The following BRCC3 variants were observed in gnomAD, a reference collection of about 807,000 sequenced individuals.
BRCC3 encodes the protein lys-63-specific deubiquitinase BRCC36.
Under a neutral mutation model 28.0 loss-of-function variants are expected in BRCC3, and 15 were observed. The ratio of observed to expected loss-of-function variants is 0.54; its 90% CI spans 0.36 to 0.82. The LOEUF (loss-of-function observed/expected upper bound fraction) is 0.82, where lower values mean the gene tolerates loss of function less well. Ranked by LOEUF, BRCC3 falls within the 40% of genes least tolerant of loss-of-function variation. The probability of loss-of-function intolerance (pLI) is 0.01; values close to 1 mark genes in which losing one functional copy is unlikely to be tolerated. For missense variants in BRCC3, 109 were observed against 225.9 expected (o/e 0.48, Z 3.32); for synonymous variants, 66 against 80.3 (o/e 0.82, Z 0.95).
intron 7 of BRCC3, among the ~76,000 whole-genome samples, chrX:155,099,853 T>G (rs1442428577): frequency 8.9e-6 from 1 of 111,786 alleles, no homozygotes; most frequent in East Asian, 2.8e-4. Flanking sequence ...TTACCATTGC[T>G]GACATATGTG....
At chrX:155,096,247 G>C (rs951760698) in intron 7 of BRCC3, among the ~76,000 whole-genome samples, 1 of 111,836 alleles carries the variant, frequency 8.9e-6, no homozygotes, top group Non-Finnish European at 1.9e-5. Context: ...GTGTTATCCT[G>C]GGCTGGTGGG....
chrX:155,076,214 G>A (rs1285672546), intron 3 of BRCC3, among the ~76,000 whole-genome samples: 1 of 110,385 alleles, frequency 9.1e-6, no homozygotes, highest in Non-Finnish European at 1.9e-5. Context: ...GACCAGCCTA[G>A]CCAATATGGC....
chrX:155,076,605 C>T (rs2074046199), intron 3 of BRCC3, among the ~76,000 whole-genome samples: 1 of 110,466 alleles, frequency 9.1e-6, no homozygotes, highest in African/African-American at 3.3e-5. Context: ...CATCAGATCT[C>T]CTGAGAACTC....
chrX:155,076,992 G>A (rs1469940347), intron 3 of BRCC3, among the ~76,000 whole-genome samples, 178 bp from the exon 4 acceptor site: 1 of 112,120 alleles, frequency 8.9e-6, no homozygotes, highest in Non-Finnish European at 1.9e-5. Flanking sequence ...TGTCTGAAAT[G>A]TATATATTGA....
chrX:155,089,839 G>A (rs1291585609), intron 6 of BRCC3, among the ~76,000 whole-genome samples: 2 of 112,047 alleles, frequency 1.8e-5, no homozygotes, highest in African/African-American at 3.2e-5. Flanking sequence ...GTTTTAATGG[G>A]ATCTCTCTGG....
chrX:155,084,529 A>AT (rs1557294547), intron 5 of BRCC3, among the ~76,000 whole-genome samples: 1 of 111,108 alleles, frequency 9.0e-6, no homozygotes, highest in Non-Finnish European at 1.9e-5. Flanking sequence ...CACCCGGCTA[A>AT]TTTTTTTGCA....
At position 155,075,329 on chromosome X, in the gene BRCC3, C is replaced by CTT. The variant is rs1557293425; in HGVS notation, c.196-1841_196-1840insTT. On this transcript the variant is annotated intron_variant, in intron 3 of 10. Coordinates refer to ENST00000330045, the MANE Select transcript of BRCC3 (RefSeq NM_001018055.3). The stretch of plus-strand genomic sequence containing the variant: ...TTGTTCTTCCCCACACTAAATGTGG[C>CTT]CACTCCCCTTGATTCAGGCCAAGAC... Among the ~76,000 whole-genome samples, 35 of 53,761 alleles carry CTT rather than the reference C, an allele frequency of 6.5e-4. 1 individual carries two copies. Among genetic ancestry groups the CTT allele is most frequent in the Admixed American group, 5.0e-3 (26 of 5,186 alleles). The allele number at this position is 53,761 out of a possible 115,157, so 46.7% of individuals were successfully genotyped here.
At chrX:155,088,746 G>T (rs1557295246) in intron 5 of BRCC3, among the ~76,000 whole-genome samples, 2 of 111,103 alleles carry the variant, frequency 1.8e-5, no homozygotes. Context: ...ATATCAAGCA[G>T]AATTAAGAAA....
intron 7 of BRCC3, among the ~76,000 whole-genome samples, chrX:155,107,930 C>T (rs1388646002): frequency 9.0e-6 from 1 of 111,527 alleles, no homozygotes; most frequent in Non-Finnish European, 1.9e-5. Flanking sequence ...GTGTAACATA[C>T]AGAAAAGTAC....
Position 155,073,440 on chromosome X carries a change from G to A in BRCC3, c.195+9G>A, listed in dbSNP as rs1557292931. On this transcript the variant is annotated intron_variant, in intron 3 of 10. Transcript: ENST00000330045. ...GCACAGTTGCTGAAAAGGTATGTGT[G>A]CTAAAATTTTGCATGATGGAAACTT... is the stretch of plus-strand genomic sequence containing the variant. 13 of 1,163,601 alleles carry A rather than the reference G, an allele frequency of 1.1e-5. No individual in the cohort carries two copies. Among genetic ancestry groups the A allele is most frequent in the Non-Finnish European group, 1.5e-5 (13 of 872,000 alleles).
intron 4 of BRCC3, among the ~76,000 whole-genome samples, 176 bp downstream of exon 4, chrX:155,077,465 A>G (rs782134270): frequency 4.5e-5 from 5 of 111,839 alleles, no homozygotes; most frequent in Non-Finnish European, 9.4e-5. Context: ...TATTGGAAGA[A>G]TTAGAAATTT....
At chrX:155,073,318 A>G in intron 2 of BRCC3, 59 bp from the exon 3 acceptor site, 1 of 1,120,558 alleles carries the variant, frequency 8.9e-7, no homozygotes, top group Non-Finnish European at 1.2e-6. Flanking sequence ...TTTTGCTTTA[A>G]TTCCTTTTTA....
Position 155,120,029 on chromosome X carries a change from C to T in BRCC3, c.755C>T (p.Ser252Leu), listed in dbSNP as rs782796649. The change falls in exon 10 of 11, where the codon TCG (serine) becomes TTG (leucine). Residue 252 changes from serine (S) to leucine (L), a missense_variant. Coordinates refer to ENST00000330045, the MANE Select transcript of BRCC3 (RefSeq NM_001018055.3). ...ACCAAGAATCTGTGCAGTCAGATGT[C>T]GGCAGTCAGCGGGCCTCTCCTACAG... is the stretch of plus-strand genomic sequence containing the variant. ...VFTKNLCSQM[S>L]AVSGPLLQWL... 26 of 1,204,734 alleles carry T rather than the reference C, an allele frequency of 2.2e-5. No individual in the cohort carries two copies. The highest frequency in any genetic ancestry group is 3.0e-5 in the East Asian group (1 of 33,749).
intron 7 of BRCC3, chrX:155,099,334 G>A (rs368247701): frequency 2.0e-5 from 24 of 1,207,000 alleles, no homozygotes; most frequent in Non-Finnish European, 2.5e-5. Context: ...TGGTCCACGA[G>A]ACTTCTGGAG....
At chrX:155,121,037 G>A (rs1255015633) in intron 10 of BRCC3, among the ~76,000 whole-genome samples, 186 bp from the exon 11 acceptor site, 5 of 111,592 alleles carry the variant, frequency 4.5e-5, no homozygotes, top group African/African-American at 1.6e-4. Flanking sequence ...ACATTTCAAA[G>A]TGTTGTCCAG....
intron 9 of BRCC3, among the ~76,000 whole-genome samples, chrX:155,119,500 C>T (rs1413707518): frequency 8.9e-6 from 1 of 112,247 alleles, no homozygotes; most frequent in Admixed American, 9.4e-5. Context: ...CTCTTCATCC[C>T]TCTGTTCTTC....
intron 5 of BRCC3, among the ~76,000 whole-genome samples, chrX:155,084,464 G>A (rs959770513): frequency 1.8e-5 from 2 of 111,296 alleles, no homozygotes; most frequent in African/African-American, 3.3e-5. Flanking sequence ...CCAGGTTCGC[G>A]CCATTCTCCT....
intron 7 of BRCC3, among the ~76,000 whole-genome samples, chrX:155,113,629 A>T (rs782723690): frequency 2.7e-5 from 3 of 111,957 alleles, no homozygotes; most frequent in South Asian, 7.4e-4. Flanking sequence ...AACAAAAGCA[A>T]AATAGACAAA....
intron 7 of BRCC3, among the ~76,000 whole-genome samples, chrX:155,092,702 C>T (rs1557295809): frequency 9.0e-6 from 1 of 110,948 alleles, no homozygotes; most frequent in African/African-American, 3.3e-5. Context: ...AACCCACTAT[C>T]CTCTTACCCT....
Sources: gnomAD v4.1 joint callset for allele counts (sites outside exome capture counted in the v4.1 genomes callset) on GRCh38, gnomAD v4.1.1 for gene constraint, MANE v1.5 for transcripts, NCBI Gene and HGNC (gene_info 2026-07-23, HGNC 2026-07-21) for gene names.